FRMD4A: variants seen among roughly 807,000 people sequenced by gnomAD.
FRMD4A encodes the protein FERM domain containing 4A.
In FRMD4A, 29 loss-of-function variants were observed where a neutral mutation model predicts 129.1. The observed-to-expected ratio is 0.22, with a 90% confidence interval of 0.17 to 0.31. The LOEUF (loss-of-function observed/expected upper bound fraction) is 0.31, where lower values mean the gene tolerates loss of function less well. Ranked by LOEUF, FRMD4A falls within the 10% of genes least tolerant of loss-of-function variation. FRMD4A has a pLI of 1.00. For missense variants in FRMD4A, 1,272 were observed against 1,375.8 expected, an observed-to-expected ratio of 0.92 and a Z score of 1.19; for synonymous variants, 634 against 571.6, an observed-to-expected ratio of 1.11 and a Z score of -1.56.
chr10:14,244,224 ATGCTACCCTG>A (rs1326195232), intron 2 of FRMD4A, among the ~76,000 whole-genome samples: 1 of 152,226 alleles, frequency 6.6e-6, no homozygotes, highest in Admixed American at 6.5e-5. Context: ...AACACCTCAG[ATGCTACCCTG>A]TGCTAGGGGA....
chr10:14,021,710 G>T (rs1321350894), intron 2 of FRMD4A, among the ~76,000 whole-genome samples: 1 of 152,150 alleles, frequency 6.6e-6, no homozygotes, highest in Non-Finnish European at 1.5e-5. Context: ...TTTAATCTGG[G>T]TGGTGGTTAC....
At chr10:13,839,667 C>A (rs560743904) in intron 3 of FRMD4A, among the ~76,000 whole-genome samples, 13 of 152,326 alleles carry the variant, frequency 8.5e-5, no homozygotes, top group African/African-American at 3.1e-4. Context: ...CGGCTCCAGG[C>A]TCAGCAAGCC....
chr10:13,707,286 G>A (rs753538896), intron 12 of FRMD4A, 173 bp from the exon 13 acceptor site: 141 of 829,018 alleles, frequency 1.7e-4, no homozygotes, highest in Non-Finnish European at 2.2e-4. Context: ...ACACACACAC[G>A]CAGCTCTCCA....
intron 16 of FRMD4A, among the ~76,000 whole-genome samples, chr10:13,671,119 T>C (rs2083474814): frequency 6.6e-6 from 1 of 152,214 alleles, no homozygotes; most frequent in African/African-American, 2.4e-5. Context: ...GCTACAGGAA[T>C]AGGCTGTACT....
intron 5 of FRMD4A, among the ~76,000 whole-genome samples, chr10:13,785,745 A>T (rs2092838839): frequency 6.6e-6 from 1 of 152,088 alleles, no homozygotes. Context: ...TACATTAGGT[A>T]TGTCTCCTAA....
intron 2 of FRMD4A, among the ~76,000 whole-genome samples, chr10:14,205,136 T>C (rs1046349761): frequency 6.6e-6 from 1 of 151,802 alleles, no homozygotes; most frequent in Non-Finnish European, 1.5e-5. Flanking sequence ...ATTTGGGCTT[T>C]TGACAACGTT....
chr10:13,754,104 A>ACT lies in FRMD4A; in HGVS notation c.465-6287_465-6286dup, dbSNP rs1272541956. Reference sequence around the variant, plus strand: ...ATCACCCTTTAGTTTCAGAATTTCCACTCTGAAAAACTGACACAGTACCAT... The same window carrying ACT: ...ATCACCCTTTAGTTTCAGAATTTCCACTCTCTGAAAAACTGACACAGTACCAT... On this transcript the variant is annotated intron_variant, in intron 8 of 24. Coordinates refer to ENST00000357447, the MANE Select transcript of FRMD4A (RefSeq NM_018027.5). Among the ~76,000 whole-genome samples, 3 of 151,996 alleles carry ACT rather than the reference A, an allele frequency of 2.0e-5. No homozygotes were observed. The South Asian group carries it at 6.2e-4, about 32-fold the overall frequency.
At chr10:14,181,325 C>T (rs901048673) in intron 2 of FRMD4A, among the ~76,000 whole-genome samples, 4 of 151,792 alleles carry the variant, frequency 2.6e-5, no homozygotes, top group African/African-American at 9.7e-5. Context: ...GGTTTAAGTA[C>T]TTTTGTCAAG....
At chr10:13,940,967 G>T (rs922277231) in intron 2 of FRMD4A, among the ~76,000 whole-genome samples, 1 of 152,202 alleles carries the variant, frequency 6.6e-6, no homozygotes, top group East Asian at 1.9e-4. Flanking sequence ...TATAAAGGAA[G>T]AAGCAGGATG....
chr10:14,090,767 C>T (rs905950516), intron 2 of FRMD4A, among the ~76,000 whole-genome samples: 14 of 152,214 alleles, frequency 9.2e-5, no homozygotes, highest in African/African-American at 3.4e-4. Context: ...GATATAAATT[C>T]ATGAGCTTCA....
chr10:13,894,434 C>T (rs2094735047), intron 2 of FRMD4A, among the ~76,000 whole-genome samples: 2 of 152,186 alleles, frequency 1.3e-5, no homozygotes. Context: ...AATCGTGTCA[C>T]CCCCTACCCT....
At chr10:14,295,329 TTTTA>T (rs1228733145) in intron 2 of FRMD4A, among the ~76,000 whole-genome samples, 6 of 152,216 alleles carry the variant, frequency 3.9e-5, no homozygotes, top group Admixed American at 3.9e-4. Context: ...CCCAATTCAC[TTTTA>T]TTTGATTTTT....
intron 3 of FRMD4A, among the ~76,000 whole-genome samples, chr10:13,835,733 G>C (rs1221504470): frequency 1.3e-5 from 2 of 152,116 alleles, no homozygotes; most frequent in Non-Finnish European, 2.9e-5. Flanking sequence ...CCCACTGATA[G>C]GACATTATGG....
chr10:14,164,690 T>C (rs1292412131), intron 2 of FRMD4A, among the ~76,000 whole-genome samples: 1 of 152,182 alleles, frequency 6.6e-6, no homozygotes, highest in East Asian at 1.9e-4. Flanking sequence ...ACCATTTCCA[T>C]AGATCTGAGG....
intron 2 of FRMD4A, among the ~76,000 whole-genome samples, chr10:13,872,756 A>G (rs1174385919): frequency 6.6e-6 from 1 of 152,220 alleles, no homozygotes; most frequent in Non-Finnish European, 1.5e-5. Context: ...AGTATGAGTG[A>G]CAGAGGTTGT....
chr10:14,318,114 G>T (rs568811170), intron 2 of FRMD4A, among the ~76,000 whole-genome samples: 1 of 152,210 alleles, frequency 6.6e-6, no homozygotes, highest in Non-Finnish European at 1.5e-5. Context: ...TATGGCACTA[G>T]TTGTAATGGC....
At chr10:13,955,844 A>C (rs562387467) in intron 2 of FRMD4A, among the ~76,000 whole-genome samples, 314 of 152,378 alleles carry the variant, frequency 2.1e-3, no homozygotes, top group African/African-American at 7.3e-3. Flanking sequence ...GTCAATGCTG[A>C]GAGAAAGGGA....
chr10:14,076,572 A>G (rs1041974025), intron 2 of FRMD4A, among the ~76,000 whole-genome samples: 14 of 152,078 alleles, frequency 9.2e-5, no homozygotes, highest in Non-Finnish European at 1.8e-4. Context: ...CCCGGGAGGC[A>G]GAGCTTGCAG....
intron 2 of FRMD4A, among the ~76,000 whole-genome samples, chr10:14,295,726 G>A (rs1160432736): frequency 6.6e-6 from 1 of 152,116 alleles, no homozygotes; most frequent in Non-Finnish European, 1.5e-5. Context: ...TGGGAGAGGG[G>A]GAGTTGGCAG....
Sources: allele counts gnomAD v4.1 joint callset (sites outside exome capture counted in the v4.1 genomes callset), GRCh38; gene constraint gnomAD v4.1.1; transcripts MANE v1.5; gene names NCBI Gene and HGNC (gene_info 2026-07-23, HGNC 2026-07-21).